The following CNTNAP2 variants were observed in gnomAD, a reference collection of about 807,000 sequenced individuals.
CNTNAP2 encodes the protein contactin-associated protein-like 2.
Under a neutral mutation model 155.2 loss-of-function variants are expected in CNTNAP2, and 98 were observed. That is an observed-to-expected ratio of 0.63 (90% CI 0.54 to 0.75). The LOEUF (loss-of-function observed/expected upper bound fraction) is 0.75. CNTNAP2 is among the 30% of genes least tolerant of loss of function. The pLI, the probability that CNTNAP2 is intolerant of heterozygous loss-of-function variation, is 0.00. For synonymous variants in CNTNAP2, 651 were observed against 631.2 expected (o/e 1.03, Z -0.47); for missense variants, 1,727 against 1,688.1 (o/e 1.02, Z -0.40).
At chr7:147,628,746 G>A (rs1314567515) in intron 12 of CNTNAP2, among the ~76,000 whole-genome samples, 1 of 150,724 alleles carries the variant, frequency 6.6e-6, no homozygotes, top group African/African-American at 2.4e-5. Flanking sequence ...TAACACATAA[G>A]GACTCACATA....
rs575270265 is a variant in CNTNAP2 at position 147,014,727 on chromosome 7, C to A, written c.403-29180C>A. Among the ~76,000 whole-genome samples the A allele has an allele frequency of 7.2e-5, 11 of 152,122 alleles. No homozygotes were observed. In the East Asian group the frequency reaches 1.9e-3, roughly 27 times the overall value. ...CCCCTGCCAGTGTTTGGTGGAAAGG[C>A]GGTTAATCCGGAGTGAAAGGCCTCA... On this transcript the variant is annotated intron_variant, in intron 3 of 23. Transcript: ENST00000361727.
At chr7:146,118,079 T>G (rs550096874) in intron 1 of CNTNAP2, among the ~76,000 whole-genome samples, 15 of 152,224 alleles carry the variant, frequency 9.9e-5, no homozygotes, top group Non-Finnish European at 2.1e-4. Flanking sequence ...AATGCATCTT[T>G]GTTAATAATG....
intron 3 of CNTNAP2, among the ~76,000 whole-genome samples, chr7:146,965,400 G>A (rs1161255979): frequency 5.2e-5 from 1 of 19,252 alleles, no homozygotes; most frequent in Non-Finnish European, 8.6e-5. Flanking sequence ...AGCAGAGTCA[G>A]AACTCACATT....
chr7:147,909,920 C>T (rs1861009), intron 14 of CNTNAP2, among the ~76,000 whole-genome samples: 1 of 151,926 alleles, frequency 6.6e-6, no homozygotes, highest in South Asian at 2.1e-4. Context: ...CAGTTCCCAC[C>T]TCAACATTAG....
intron 3 of CNTNAP2, among the ~76,000 whole-genome samples, chr7:147,038,406 A>G (rs1399501745): frequency 6.6e-6 from 1 of 152,204 alleles, no homozygotes; most frequent in African/African-American, 2.4e-5. Flanking sequence ...AGTCAATGTT[A>G]TTTCAGTTGC....
At chr7:147,997,450 G>A (rs1442491953) in intron 15 of CNTNAP2, among the ~76,000 whole-genome samples, 2 of 151,996 alleles carry the variant, frequency 1.3e-5, no homozygotes, top group East Asian at 1.9e-4. Context: ...CCAGCTGCTT[G>A]GGAGGCTGAG....
chr7:147,524,948 T>C (rs535161923), intron 11 of CNTNAP2, among the ~76,000 whole-genome samples: 3 of 152,330 alleles, frequency 2.0e-5, no homozygotes, highest in Admixed American at 1.3e-4. Context: ...CACTTACACA[T>C]GGGTGAAACC....
chr7:148,393,567 TAC>T (rs1417923562), intron 22 of CNTNAP2, among the ~76,000 whole-genome samples: 3 of 152,240 alleles, frequency 2.0e-5, no homozygotes, highest in African/African-American at 7.2e-5. Flanking sequence ...AATCAGTTTC[TAC>T]AGTGTTTTCA....
At chr7:146,834,855 T>C (rs1803586141) in intron 2 of CNTNAP2, among the ~76,000 whole-genome samples, 1 of 152,188 alleles carries the variant, frequency 6.6e-6, no homozygotes, top group South Asian at 2.1e-4. Flanking sequence ...AGAGGTATCA[T>C]TATTAATCCT....
At chr7:147,253,961 C>T (rs73459592) in intron 8 of CNTNAP2, among the ~76,000 whole-genome samples, 2,656 of 152,208 alleles carry the variant, frequency 0.017, 82 homozygotes, top group African/African-American at 0.061. Flanking sequence ...TCCTCCAGCC[C>T]CACAGTAAGT....
chr7:148,130,970 T>C (rs1281353689), intron 16 of CNTNAP2, among the ~76,000 whole-genome samples: 2 of 150,574 alleles, frequency 1.3e-5, no homozygotes, highest in African/African-American at 2.4e-5. Context: ...TTTGTCTGAA[T>C]GGAGTAGTTT....
Position 146,134,870 on chromosome 7 carries a change from C to A in CNTNAP2, c.97+17897C>A, listed in dbSNP as rs908688838. On this transcript the variant is annotated intron_variant, in intron 1 of 23. Transcript: ENST00000361727. The stretch of plus-strand genomic sequence containing the variant: ...TCATCAAGGATATTGGTCTAAAATT[C>A]TCTTTTTTTGTTGTGTCTCTGCCTG... Among the ~76,000 whole-genome samples, 17 of 151,502 alleles carry A rather than the reference C, an allele frequency of 1.1e-4. 1 individual carries two copies. Among genetic ancestry groups the A allele is most frequent in the Admixed American group, 9.2e-4 (14 of 15,156 alleles).
At chr7:147,544,439 G>A (rs553018354) in intron 11 of CNTNAP2, among the ~76,000 whole-genome samples, 18 of 152,188 alleles carry the variant, frequency 1.2e-4, no homozygotes, top group African/African-American at 4.1e-4. Context: ...AATAACTACT[G>A]TTGGTGGGGA....
intron 1 of CNTNAP2, among the ~76,000 whole-genome samples, chr7:146,308,712 C>A (rs1363406205): frequency 6.6e-6 from 1 of 152,010 alleles, no homozygotes; most frequent in Non-Finnish European, 1.5e-5. Context: ...GCATTCTGAG[C>A]AAACTATTGC....
chr7:146,818,187 T>C (rs73459330), intron 2 of CNTNAP2, among the ~76,000 whole-genome samples: 18,466 of 152,144 alleles, frequency 0.12, 3,669 homozygotes, highest in African/African-American at 0.41. Flanking sequence ...GGTTTATGAA[T>C]TGGCAAGTTC....
intron 8 of CNTNAP2, among the ~76,000 whole-genome samples, chr7:147,151,305 G>A (rs890842016): frequency 6.6e-6 from 1 of 152,076 alleles, no homozygotes; most frequent in Non-Finnish European, 1.5e-5. Context: ...TAAACCCAAC[G>A]CTAAGAGGGA....
At chr7:146,764,612 A>C (rs1802163819) in intron 1 of CNTNAP2, among the ~76,000 whole-genome samples, 1 of 152,124 alleles carries the variant, frequency 6.6e-6, no homozygotes, top group African/African-American at 2.4e-5. Context: ...CATCTGTTAT[A>C]CCATCTGTTG....
intron 2 of CNTNAP2, among the ~76,000 whole-genome samples, chr7:146,799,768 T>A (rs1802840565): frequency 6.6e-6 from 1 of 152,172 alleles, no homozygotes; most frequent in South Asian, 2.1e-4. Context: ...ATTGTGTGAT[T>A]TTTGTGCAAA....
At chr7:146,632,590 C>T (rs1024455869) in intron 1 of CNTNAP2, among the ~76,000 whole-genome samples, 3 of 151,786 alleles carry the variant, frequency 2.0e-5, no homozygotes, top group African/African-American at 7.3e-5. Context: ...TCAACATTTT[C>T]TGAACAAAAA....
Sources: gnomAD v4.1 joint callset for allele counts (sites outside exome capture counted in the v4.1 genomes callset) on GRCh38, gnomAD v4.1.1 for gene constraint, MANE v1.5 for transcripts, NCBI Gene and HGNC (gene_info 2026-07-23, HGNC 2026-07-21) for gene names.